Variants in PPFIBP1 observed in about 807,000 individuals in gnomAD.
PPFIBP1 encodes liprin-beta-1.
In PPFIBP1, 112 loss-of-function variants were observed where a neutral mutation model predicts 137.8. The observed-to-expected ratio is 0.81, with a 90% CI of 0.70 to 0.95. The LOEUF is 0.95. Among genes scored for constraint, PPFIBP1 ranks in the 40% least tolerant of loss-of-function variants. PPFIBP1 has a pLI of 0.00. For synonymous variants in PPFIBP1, 378 were observed against 417.3 expected (o/e 0.91, Z 1.15); for missense variants, 1,083 against 1,196.6 (o/e 0.91, Z 1.40).
At chr12:27,546,414 C>T (rs1423096950) in intron 1 of PPFIBP1, among the ~76,000 whole-genome samples, 1 of 152,130 alleles carries the variant, frequency 6.6e-6, no homozygotes, top group Non-Finnish European at 1.5e-5. Flanking sequence ...ATATGGAGTA[C>T]ATTAGCTACA....
rs1232401864 is a variant in PPFIBP1 at position 27,682,623 on chromosome 12, G to T, written c.2167G>T (p.Asp723Tyr). ...LDFNWVTRWL[D>Y]DIGLPQYKTQ... Reference sequence around the variant, plus strand: ...TGGCCTCTCTCTTTTAGGATGGTTGGATGACATTGGCCTCCCTCAATATAA... The same window carrying T: ...TGGCCTCTCTCTTTTAGGATGGTTGTATGACATTGGCCTCCCTCAATATAA... Residue 723 changes from aspartate to tyrosine, a missense_variant, in exon 24 of 30, where the codon GAT (aspartate) becomes TAT (tyrosine). By Grantham distance (160) the Asp-to-Tyr change is radical (BLOSUM62 -3). Transcript: ENST00000228425. The T allele has an allele frequency of 6.2e-7, 1 of 1,614,142 alleles. No individual in the cohort carries two copies. Among genetic ancestry groups the T allele is most frequent in the Non-Finnish European group, 8.5e-7 (1 of 1,180,016 alleles).
chr12:27,566,311 A>G (rs1289394731), intron 1 of PPFIBP1, among the ~76,000 whole-genome samples: 2 of 151,292 alleles, frequency 1.3e-5, no homozygotes, highest in Non-Finnish European at 3.0e-5. Context: ...TATGTCTCTC[A>G]CTTGAATGCT....
intron 15 of PPFIBP1, among the ~76,000 whole-genome samples, chr12:27,673,391 TAGA>T (rs1385538944): frequency 6.6e-5 from 10 of 152,202 alleles, no homozygotes; most frequent in African/African-American, 9.7e-5. Flanking sequence ...TTATTTTAAT[TAGA>T]AGGATTAGAT....
chr12:27,566,507 A>G (rs1204796150), intron 1 of PPFIBP1, among the ~76,000 whole-genome samples: 1 of 152,208 alleles, frequency 6.6e-6, no homozygotes, highest in Non-Finnish European at 1.5e-5. Context: ...CCCATTTAGA[A>G]TAGTGATGGG....
intron 2 of PPFIBP1, among the ~76,000 whole-genome samples, chr12:27,629,478 A>G (rs952302646): frequency 1.3e-5 from 2 of 152,200 alleles, no homozygotes; most frequent in Non-Finnish European, 2.9e-5. Context: ...CTTGAATTTC[A>G]TATAAAAGTA....
chr12:27,689,074 T>C lies in PPFIBP1; in HGVS notation c.2556T>C (p.Asn852=). The change falls in exon 27 of 30, where the codon AAT becomes AAC. Residue 852 remains asparagine (N), a synonymous_variant. Transcript: ENST00000228425. ...TMAQLLNIPP[N]KTLLRRHLAT... ...CTCAGTTATTGAACATCCCACCCAA[T>C]AAGACTTTGCTGCGAAGACATTTGG... 6.2e-7 allele frequency: 1 copy of C among 1,613,632 alleles called. No individual in the cohort carries two copies. Among genetic ancestry groups the C allele is most frequent in the Non-Finnish European group, 8.5e-7 (1 of 1,179,866 alleles).
At chr12:27,589,151 G>A (rs1364201891) in intron 2 of PPFIBP1, among the ~76,000 whole-genome samples, 3 of 152,188 alleles carry the variant, frequency 2.0e-5, no homozygotes, top group Non-Finnish European at 4.4e-5. Flanking sequence ...TCTCCCACTT[G>A]CAATATATAA....
intron 2 of PPFIBP1, among the ~76,000 whole-genome samples, chr12:27,616,175 A>G (rs1031823745): frequency 6.6e-6 from 1 of 151,780 alleles, no homozygotes; most frequent in East Asian, 1.9e-4. Flanking sequence ...GTTTTCAAGC[A>G]TAATACATAG....
intron 4 of PPFIBP1, among the ~76,000 whole-genome samples, chr12:27,637,976 C>T (rs905051002): frequency 6.6e-6 from 1 of 152,020 alleles, no homozygotes; most frequent in Non-Finnish European, 1.5e-5. Flanking sequence ...TCCCTTCTTT[C>T]CTTTTTTTAT....
At chr12:27,632,343 G>C (rs1419359326) in intron 2 of PPFIBP1, among the ~76,000 whole-genome samples, 1 of 152,138 alleles carries the variant, frequency 6.6e-6, no homozygotes, top group African/African-American at 2.4e-5. Flanking sequence ...TTATTTCCCA[G>C]GTATTTGCTC....
At chr12:27,682,750 C>T in intron 24 of PPFIBP1, 47 bp downstream of exon 24, 3 of 1,611,898 alleles carry the variant, frequency 1.9e-6, no homozygotes, top group Non-Finnish European at 2.5e-6. Context: ...CTTTTTTTCT[C>T]TGAAAAACAC....
chr12:27,691,609 C>T, intron 27 of PPFIBP1, 140 bp from the exon 28 acceptor site: 1 of 568,900 alleles, frequency 1.8e-6, no homozygotes. Flanking sequence ...AGCTACTTTT[C>T]TCTCTACCAT....
At chr12:27,652,371 A>G (rs1405261414) in intron 7 of PPFIBP1, among the ~76,000 whole-genome samples, 1 of 152,226 alleles carries the variant, frequency 6.6e-6, no homozygotes, top group Non-Finnish European at 1.5e-5. Context: ...GTAAGAGCAT[A>G]CATGTCAGAG....
intron 1 of PPFIBP1, among the ~76,000 whole-genome samples, chr12:27,576,847 T>C (rs2050609350): frequency 6.6e-6 from 1 of 152,234 alleles, no homozygotes; most frequent in Non-Finnish European, 1.5e-5. Flanking sequence ...GCTGTGCCCA[T>C]GGCTGCACAT....
At chr12:27,637,187 T>C (rs1481630582) in intron 4 of PPFIBP1, 1 of 152,246 alleles carries the variant, frequency 6.6e-6, no homozygotes, top group African/African-American at 2.4e-5. Flanking sequence ...AATGTAAGCA[T>C]CAGGAATCAG....
chr12:27,654,961 C>T lies in PPFIBP1; in HGVS notation c.696+147C>T, dbSNP rs992703316. The T allele has an allele frequency of 4.4e-6, 6 of 1,360,768 alleles. No individual in the cohort carries two copies. The African/African-American group carries it at 8.8e-5, about 20-fold the overall frequency. 84.3% of individuals were successfully genotyped at this position (1,360,768 alleles called of 1,614,324 possible). On this transcript the variant is annotated intron_variant, in intron 8 of 29. Transcript: ENST00000228425. ...TGAAGATTTCCCCCCAAGCTGGAAA[C>T]CTTGAATTTAAGCACCACTGATCTG...
At chr12:27,578,458 G>A (rs906436909) in intron 2 of PPFIBP1, among the ~76,000 whole-genome samples, 7 of 152,204 alleles carry the variant, frequency 4.6e-5, no homozygotes, top group Non-Finnish European at 8.8e-5. Context: ...TAGACGCGGT[G>A]TGGCAGGCAG....
At chr12:27,569,309 T>A (rs569046263) in intron 1 of PPFIBP1, among the ~76,000 whole-genome samples, 1 of 152,362 alleles carries the variant, frequency 6.6e-6, no homozygotes, top group African/African-American at 2.4e-5. Context: ...ATTGCACTGA[T>A]ATATTAAATA....
At chr12:27,576,647 A>G (rs2050587536) in intron 1 of PPFIBP1, among the ~76,000 whole-genome samples, 1 of 152,182 alleles carries the variant, frequency 6.6e-6, no homozygotes, top group African/African-American at 2.4e-5. Flanking sequence ...TAAAGGCCCT[A>G]TGACAGGTGG....
Sources: gnomAD v4.1 joint callset for allele counts (sites outside exome capture counted in the v4.1 genomes callset) on GRCh38, gnomAD v4.1.1 for gene constraint, MANE v1.5 for transcripts, NCBI Gene and HGNC (gene_info 2026-07-23, HGNC 2026-07-21) for gene names.